The following LRRC39 variants were observed in gnomAD, a reference collection of about 807,000 sequenced individuals.
The protein encoded by LRRC39 is leucine rich repeat containing 39.
In LRRC39, 35 loss-of-function variants were observed where a neutral mutation model predicts 39.7. The observed-to-expected ratio is 0.88, with a 90% CI of 0.67 to 1.17. The LOEUF (loss-of-function observed/expected upper bound fraction) is 1.17. LRRC39 is among the 50% of genes most tolerant of loss of function. The pLI, the probability that LRRC39 is intolerant of heterozygous loss-of-function variation, is 0.00. For synonymous variants in LRRC39, 113 were observed against 134.1 expected, an observed-to-expected ratio of 0.84 and a Z score of 1.09; for missense variants, 357 against 385.8, an observed-to-expected ratio of 0.93 and a Z score of 0.62.
At chr1:100,167,280 C>G (rs1659315177) in intron 3 of LRRC39, among the ~76,000 whole-genome samples, 1 of 152,026 alleles carries the variant, frequency 6.6e-6, no homozygotes, top group South Asian at 2.1e-4. Context: ...CTGAAGGAAG[C>G]TAATCCGAGG....
At chr1:100,175,834 A>G (rs1659922092) in intron 1 of LRRC39, among the ~76,000 whole-genome samples, 1 of 152,254 alleles carries the variant, frequency 6.6e-6, no homozygotes, top group African/African-American at 2.4e-5. Flanking sequence ...ATAATAAGAT[A>G]CCAATGAACA....
In LRRC39 at chr1:100,168,452, A is replaced by T; in HGVS notation, c.65T>A (p.Ile22Lys). The part of the protein sequence containing the change: ...NAVKEVWEKR[I>K]KKLNEDLKRE... ...CTTCAGGTCTTCATTGAGTTTCTTT[A>T]TTCTTTTTTCCCAAACTTCCTTTAC... The change falls in exon 3 of 10, where the codon ATA becomes AAA. Residue 22 changes from isoleucine to lysine, a missense_variant. Ile to Lys is a moderately radical substitution (Grantham distance 102, BLOSUM62 -3). Coordinates refer to ENST00000370137, the MANE Select transcript of LRRC39 (RefSeq NM_144620.4). The T allele has an allele frequency of 6.2e-7, 1 of 1,612,538 alleles. No homozygotes were observed. Among genetic ancestry groups the T allele is most frequent in the Non-Finnish European group, 8.5e-7 (1 of 1,179,542 alleles).
rs142322012 is a variant in LRRC39, at chr1:100,156,220, A to G, written c.611T>C (p.Leu204Pro). The G allele has an allele frequency of 1.2e-6, 2 of 1,613,878 alleles. No homozygotes were observed. The highest frequency in any genetic ancestry group is 1.3e-5 in the African/African-American group (1 of 74,936). Residue 204 changes from leucine (L) to proline (P), a missense_variant, in exon 7 of 10, where the codon CTG becomes CCG. Transcript: ENST00000370137. Reference sequence around the variant, plus strand: ...TTCAAGTTTGTTGCTTCCCATGTCCAGCCACTCAAGGGCAGGCATGTTCAA... The same window carrying G: ...TTCAAGTTTGTTGCTTCCCATGTCCGGCCACTCAAGGGCAGGCATGTTCAA... ...AVLNMPALEW[L>P]DMGSNKLEQL... is the part of the protein sequence containing the mutation.
At chr1:100,159,696 C>A (rs1189933324) in intron 4 of LRRC39, among the ~76,000 whole-genome samples, 7 of 145,322 alleles carry the variant, frequency 4.8e-5, no homozygotes, top group Non-Finnish European at 7.5e-5. Flanking sequence ...GTACACACAT[C>A]CAGTATGTCC....
At chr1:100,173,935 G>A (rs1570781928) in intron 1 of LRRC39, among the ~76,000 whole-genome samples, 2 of 151,922 alleles carry the variant, frequency 1.3e-5, no homozygotes, top group African/African-American at 4.8e-5. Flanking sequence ...AATTAAAGAA[G>A]GCCTAAATAA....
intron 6 of LRRC39, among the ~76,000 whole-genome samples, chr1:100,156,706 G>C (rs1232409714): frequency 6.6e-6 from 1 of 152,170 alleles, no homozygotes; most frequent in Non-Finnish European, 1.5e-5. Context: ...GGAGGAAAGG[G>C]GTAGCTCATG....
chr1:100,156,116 T>C, intron 7 of LRRC39, 56 bp downstream of exon 7: 1 of 1,540,906 alleles, frequency 6.5e-7, no homozygotes, highest in Non-Finnish European at 8.8e-7. Context: ...GCTTGGTTAT[T>C]TTTCATAAGA....
At chr1:100,169,688 A>G (rs948311103) in intron 2 of LRRC39, among the ~76,000 whole-genome samples, 2 of 152,236 alleles carry the variant, frequency 1.3e-5, no homozygotes, top group African/African-American at 4.8e-5. Context: ...CAGTTTATCC[A>G]TTCTAATGAA....
At chr1:100,175,258 A>G (rs968404751) in intron 1 of LRRC39, among the ~76,000 whole-genome samples, 1 of 151,880 alleles carries the variant, frequency 6.6e-6, no homozygotes, top group Non-Finnish European at 1.5e-5. Context: ...GTGTAGTGGC[A>G]CAATCATGGC....
At chr1:100,173,974 TAGAA>T (rs1380782108) in intron 1 of LRRC39, among the ~76,000 whole-genome samples, 2 of 152,220 alleles carry the variant, frequency 1.3e-5, no homozygotes, top group African/African-American at 4.8e-5. Flanking sequence ...TATTCATTGA[TAGAA>T]AGACTCAATC....
chr1:100,154,913 A>G, intron 8 of LRRC39, 138 bp downstream of exon 8: 2 of 723,908 alleles, frequency 2.8e-6, no homozygotes, highest in Non-Finnish European at 4.2e-6. Flanking sequence ...ATAGAATGTC[A>G]ACATTGGAAA....
intron 9 of LRRC39, among the ~76,000 whole-genome samples, chr1:100,151,138 A>C (rs1657973954): frequency 1.3e-5 from 2 of 148,694 alleles, no homozygotes; most frequent in Non-Finnish European, 3.0e-5. Flanking sequence ...AAAAAAAAAA[A>C]AAAAAAAAAA....
intron 4 of LRRC39, 26 bp downstream of exon 4, chr1:100,160,440 A>C: frequency 6.3e-7 from 1 of 1,588,608 alleles, no homozygotes; most frequent in Non-Finnish European, 8.6e-7. Flanking sequence ...AAAATGTGGA[A>C]AATCAAATAT....
chr1:100,162,655 A>T (rs115625519), intron 3 of LRRC39, among the ~76,000 whole-genome samples: 6,701 of 152,196 alleles, frequency 0.044, 179 homozygotes, highest in African/African-American at 0.06. Context: ...AAAAAAAGAA[A>T]GAAAAGAAAC....
chr1:100,168,179 T>C lies in LRRC39; in HGVS notation c.113+225A>G, dbSNP rs1659373307. Among the ~76,000 whole-genome samples the C allele has an allele frequency of 2.6e-5, 4 of 152,318 alleles. No homozygotes were observed. In the South Asian group the frequency reaches 8.3e-4, roughly 32 times the overall value. On this transcript the variant is annotated intron_variant, in intron 3 of 9. Transcript: ENST00000370137. ...CTTTGATGAATGTTAAACAGAGTCC[T>C]ATGAGGGTATAAGATAGCTACCATT... is the stretch of plus-strand genomic sequence containing the variant.
intron 3 of LRRC39, among the ~76,000 whole-genome samples, chr1:100,165,952 G>A (rs1213796958): frequency 7.0e-6 from 1 of 142,180 alleles, no homozygotes; most frequent in African/African-American, 2.7e-5. Flanking sequence ...TTGGCTTACT[G>A]CAACCTCTGC....
At chr1:100,156,367 A>T in intron 6 of LRRC39, 50 bp from the exon 7 acceptor site, 1 of 1,518,896 alleles carries the variant, frequency 6.6e-7, no homozygotes, top group South Asian at 1.3e-5. Context: ...AATGTAAACT[A>T]CTAAAAGACT....
intron 8 of LRRC39, among the ~76,000 whole-genome samples, chr1:100,153,474 C>A (rs968333775): frequency 3.9e-5 from 6 of 152,076 alleles, no homozygotes; most frequent in Non-Finnish European, 8.8e-5. Flanking sequence ...AGAAAAACTT[C>A]TGCACAGTAA....
chr1:100,165,977 C>G (rs1225173541), intron 3 of LRRC39, among the ~76,000 whole-genome samples: 2 of 150,412 alleles, frequency 1.3e-5, no homozygotes, highest in Non-Finnish European at 2.9e-5. Flanking sequence ...TGGGTTCAAG[C>G]AATTCTCCTG....
Sources: gnomAD v4.1 joint callset for allele counts (sites outside exome capture counted in the v4.1 genomes callset) on GRCh38, gnomAD v4.1.1 for gene constraint, MANE v1.5 for transcripts, NCBI Gene and HGNC (gene_info 2026-07-23, HGNC 2026-07-21) for gene names.